TTC7B: variants seen among roughly 807,000 people sequenced by gnomAD.
The protein encoded by TTC7B is tetratricopeptide repeat domain 7B, also known as tetratricopeptide repeat protein 7B.
A neutral mutation model predicts 106.8 loss-of-function variants in TTC7B; 28 were observed. The observed-to-expected ratio is 0.26, with a 90% confidence interval of 0.19 to 0.36. The LOEUF (loss-of-function observed/expected upper bound fraction) is 0.36. TTC7B is among the 10% of genes least tolerant of loss of function. The pLI is 1.00. For missense variants in TTC7B, 862 were observed against 1,076.4 expected (o/e 0.80, Z 2.79); for synonymous variants, 405 against 430.6 (o/e 0.94, Z 0.74).
In TTC7B at chr14:90,615,825, A is replaced by G. The variant is rs576495116; in HGVS notation, c.1868+2104T>C. 7.9e-5 allele frequency among the ~76,000 whole-genome samples: 12 copies of G among 151,028 alleles called. 1 individual carries two copies. In the South Asian group the frequency reaches 2.5e-3, roughly 32 times the overall value. ...CTTAATAAGGGCTGCTCAATTCACC[A>G]CTCCTCCCTCCAGGCTTTGCGGGGA... On this transcript the variant is annotated intron_variant, in intron 16 of 19. Coordinates refer to ENST00000328459, the MANE Select transcript of TTC7B (RefSeq NM_001010854.2).
chr14:90,736,959 T>C (rs1203082946), intron 4 of TTC7B, among the ~76,000 whole-genome samples: 1 of 149,812 alleles, frequency 6.7e-6, no homozygotes, highest in East Asian at 1.9e-4. Flanking sequence ...TGGAAAATGG[T>C]TGAAAGTTAT....
Position 90,541,342 on chromosome 14 carries a change from G to A in TTC7B, c.*26C>T, listed in dbSNP as rs199509820. 2.0e-5 allele frequency: 32 copies of A among 1,572,984 alleles called. No individual in the cohort carries two copies. The highest frequency in any genetic ancestry group is 7.1e-5 in the Admixed American group (4 of 56,230). The stretch of plus-strand genomic sequence containing the variant: ...CCGGCAGGGCCTCTGAGGCCTGAGC[G>A]GCAGGTGAGGCTGGCAGGCGCCTGC... On this transcript the variant is annotated 3_prime_UTR_variant, in exon 20 of 20. Transcript: ENST00000328459.
chr14:90,695,304 ATG>A (rs1374280036), intron 6 of TTC7B, among the ~76,000 whole-genome samples, 194 bp downstream of exon 6: 90 of 148,574 alleles, frequency 6.1e-4, no homozygotes, highest in African/African-American at 2.1e-3. Flanking sequence ...ACATAAATAT[ATG>A]TCACATATAT....
At chr14:90,545,066 T>A (rs1370264464) in intron 19 of TTC7B, among the ~76,000 whole-genome samples, 1 of 152,206 alleles carries the variant, frequency 6.6e-6, no homozygotes, top group African/African-American at 2.4e-5. Context: ...CTGCTTTAGA[T>A]ACAAGAAGAC....
rs907901587 is a variant in TTC7B at position 90,805,028 on chromosome 14, G to C, written c.121+11147C>G. On this transcript the variant is annotated intron_variant, in intron 1 of 19. Coordinates refer to ENST00000328459, the MANE Select transcript of TTC7B (RefSeq NM_001010854.2). This position sits in a 1 kb window ranked among gnomAD's most constrained non-coding sequence, Gnocchi z 4.0. ...CCCGCCAGCAAGCCAGGACTCACCC[G>C]GAGCCCCAGGCAGGCAGGGCTACAC... 1.3e-5 allele frequency among the ~76,000 whole-genome samples: 2 copies of C among 152,100 alleles called. No individual in the cohort carries two copies. The highest frequency in any genetic ancestry group is 2.4e-5 in the African/African-American group (1 of 41,424).
chr14:90,701,690 G>GTATATA (rs71461917), intron 5 of TTC7B, among the ~76,000 whole-genome samples: 382 of 77,662 alleles, frequency 4.9e-3, no homozygotes, highest in Non-Finnish European at 8.7e-3. Context: ...CAAAAGAAAC[G>GTATATA]TATATATATA....
intron 3 of TTC7B, among the ~76,000 whole-genome samples, chr14:90,754,763 G>A (rs575431582): frequency 4.0e-5 from 6 of 151,782 alleles, no homozygotes; most frequent in African/African-American, 1.2e-4. Flanking sequence ...CCCGGGAACC[G>A]CCAATCTGCT....
intron 9 of TTC7B, among the ~76,000 whole-genome samples, chr14:90,670,291 C>G (rs779009299): frequency 3.3e-5 from 5 of 151,928 alleles, no homozygotes; most frequent in Non-Finnish European, 7.4e-5. Flanking sequence ...TATGAGGTAC[C>G]CAAAATAAGC....
At chr14:90,707,090 G>C (rs1012873553) in intron 5 of TTC7B, among the ~76,000 whole-genome samples, 2 of 152,154 alleles carry the variant, frequency 1.3e-5, no homozygotes, top group Non-Finnish European at 2.9e-5. Flanking sequence ...GGACACAGGG[G>C]ATGATGGAAT....
At position 90,805,375 on chromosome 14, in the gene TTC7B, T is replaced by A. The variant is rs575676255; in HGVS notation, c.121+10800A>T. ...GGTTCAGGCAATTCTCCTGTTCTCC[T>A]GCCTCAGCCTCCCGCGTAGCTGCGA... On this transcript the variant is annotated intron_variant, in intron 1 of 19. Transcript: ENST00000328459. This position sits in a 1 kb window ranked among gnomAD's most constrained non-coding sequence, Gnocchi z 4.0. Among the ~76,000 whole-genome samples, 7 of 152,192 alleles carry A rather than the reference T, an allele frequency of 4.6e-5. No individual in the cohort carries two copies. Among genetic ancestry groups the A allele is most frequent in the Non-Finnish European group, 1.0e-4 (7 of 68,042 alleles).
chr14:90,660,769 C>T (rs1886170231), intron 9 of TTC7B, among the ~76,000 whole-genome samples: 1 of 152,212 alleles, frequency 6.6e-6, no homozygotes, highest in Admixed American at 6.5e-5. Flanking sequence ...ACAGAGGTCA[C>T]ACAGTAAATA....
intron 3 of TTC7B, among the ~76,000 whole-genome samples, chr14:90,763,344 TCAA>T (rs1393769976): frequency 6.6e-6 from 1 of 152,020 alleles, no homozygotes; most frequent in Non-Finnish European, 1.5e-5. Context: ...ATAAAAACAC[TCAA>T]CAAACTAGAA....
intron 10 of TTC7B, 177 bp downstream of exon 10, chr14:90,658,127 A>T (rs1886025668): frequency 1.6e-6 from 1 of 612,554 alleles, no homozygotes; most frequent in Non-Finnish European, 2.9e-6. Flanking sequence ...TGATAAGTCC[A>T]TCTTGGCTCC....
chr14:90,691,533 T>C (rs117583061), intron 6 of TTC7B, among the ~76,000 whole-genome samples: 5 of 152,362 alleles, frequency 3.3e-5, no homozygotes, highest in Non-Finnish European at 7.3e-5. Context: ...AAACTCAACC[T>C]ACATTTAGCC....
At chr14:90,790,943 G>A (rs55864238) in intron 1 of TTC7B, among the ~76,000 whole-genome samples, 6,277 of 152,104 alleles carry the variant, frequency 0.041, 182 homozygotes, top group Non-Finnish European at 0.058. Context: ...CCAGGAAAGC[G>A]GAGAGAACCA....
chr14:90,815,238 T>C (rs1595061106), intron 1 of TTC7B, among the ~76,000 whole-genome samples: 1 of 151,996 alleles, frequency 6.6e-6, no homozygotes, highest in African/African-American at 2.4e-5. Context: ...TTTAGGCGGG[T>C]ACTAAAAGAC....
intron 1 of TTC7B, among the ~76,000 whole-genome samples, chr14:90,810,695 A>G (rs2030850707): frequency 3.9e-5 from 6 of 152,240 alleles, no homozygotes; most frequent in Admixed American, 3.9e-4. Context: ...TTGACAGCAC[A>G]GTTTGAAAAC....
chr14:90,675,394 GGT>G (rs1886791013), intron 9 of TTC7B, among the ~76,000 whole-genome samples: 1 of 152,102 alleles, frequency 6.6e-6, no homozygotes, highest in African/African-American at 2.4e-5. Context: ...GGAGAAGGGG[GGT>G]CCAGGAAATC....
intron 15 of TTC7B, among the ~76,000 whole-genome samples, chr14:90,630,690 CTA>C (rs1884657246): frequency 6.6e-6 from 1 of 152,206 alleles, no homozygotes; most frequent in Non-Finnish European, 1.5e-5. Flanking sequence ...CTTTCTGTCT[CTA>C]TGAGTTTGAC....
Sources: gnomAD v4.1 joint callset for allele counts (sites outside exome capture counted in the v4.1 genomes callset) on GRCh38, gnomAD v4.1.1 for gene constraint, Gnocchi (gnomAD v3.1) non-coding constraint, MANE v1.5 for transcripts, NCBI Gene and HGNC (gene_info 2026-07-23, HGNC 2026-07-21) for gene names.